SORCS2: variants seen among roughly 807,000 people sequenced by gnomAD.
SORCS2 encodes VPS10 domain-containing receptor SorCS2.
A neutral mutation model predicts 141.6 loss-of-function variants in SORCS2; 100 were observed. The observed-to-expected ratio is 0.71, with a 90% CI of 0.60 to 0.83. The LOEUF (loss-of-function observed/expected upper bound fraction) is 0.83. SORCS2 is among the 40% of genes least tolerant of loss of function. SORCS2 has a pLI of 0.00. For synonymous variants in SORCS2, 789 were observed against 676.9 expected, an observed-to-expected ratio of 1.17 and a Z score of -2.57; for missense variants, 1,646 against 1,560.2, an observed-to-expected ratio of 1.05 and a Z score of -0.93.
chr4:7,629,761 C>G (rs2108845233), intron 3 of SORCS2, among the ~76,000 whole-genome samples: 1 of 152,112 alleles, frequency 6.6e-6, no homozygotes, highest in Admixed American at 6.5e-5. Flanking sequence ...ATATCAAACC[C>G]CACCCTCCCT....
chr4:7,198,019 G>C (rs1387365073), intron 1 of SORCS2, among the ~76,000 whole-genome samples: 1 of 152,190 alleles, frequency 6.6e-6, no homozygotes, highest in Non-Finnish European at 1.5e-5. Flanking sequence ...CTCAGAGAAT[G>C]ATATCAAGAA....
At position 7,663,906 on chromosome 4, in the gene SORCS2, G is replaced by A. The variant is rs1722337474; in HGVS notation, c.953-447G>A. On this transcript the variant is annotated intron_variant, in intron 6 of 26. Coordinates refer to ENST00000507866, the MANE Select transcript of SORCS2 (RefSeq NM_020777.3). This position sits in a 1 kb window ranked among gnomAD's most constrained non-coding sequence, Gnocchi z 4.8. ...AATTAGCAGCTCCCTGACAAAGCAT[G>A]CATTCAGTATTGCTCAACCATAAAT... Among the ~76,000 whole-genome samples the A allele has an allele frequency of 1.3e-5, 2 of 152,210 alleles. No individual in the cohort carries two copies. Among genetic ancestry groups the A allele is most frequent in the South Asian group, 4.1e-4 (2 of 4,828 alleles).
At chr4:7,218,236 G>A (rs888962468) in intron 1 of SORCS2, among the ~76,000 whole-genome samples, 12 of 152,284 alleles carry the variant, frequency 7.9e-5, no homozygotes, top group South Asian at 2.1e-4. Context: ...GCACTTGGCC[G>A]GCTCACCTCC....
In SORCS2 at chr4:7,718,065, G is replaced by T. The variant is rs752813114; in HGVS notation, c.2306G>T (p.Ser769Ile). Residue 769 changes from serine to isoleucine, a missense_variant, in exon 18 of 27, where the codon AGT becomes ATT. Transcript: ENST00000507866. ...GAGGGTGGGGTGGACATGCAGCAGA[G>T]TCAGGTGCAGCTGCAGTGCCCCCTC... ...VCEGGVDMQQ[S>I]QVQLQCPLTP... 1 of 1,611,044 alleles carries T rather than the reference G, an allele frequency of 6.2e-7. No individual in the cohort carries two copies. Among genetic ancestry groups the T allele is most frequent in the Non-Finnish European group, 8.5e-7 (1 of 1,178,762 alleles).
intron 2 of SORCS2, among the ~76,000 whole-genome samples, chr4:7,419,680 A>G (rs558462064): frequency 4.9e-5 from 7 of 144,198 alleles, no homozygotes; most frequent in African/African-American, 1.3e-4. Context: ...AGCTGGTGTC[A>G]TCTGAACTGC....
At chr4:7,603,105 G>A (rs998050319) in intron 3 of SORCS2, among the ~76,000 whole-genome samples, 13 of 151,948 alleles carry the variant, frequency 8.6e-5, no homozygotes, top group African/African-American at 1.5e-4. Context: ...CAGAGATGGC[G>A]GCACTACAGT....
Position 7,740,747 on chromosome 4 carries a change from C to A in SORCS2, c.*483C>A. 1 of 319,154 alleles carries A rather than the reference C, an allele frequency of 3.1e-6. No individual in the cohort carries two copies. Among genetic ancestry groups the A allele is most frequent in the Non-Finnish European group, 5.7e-6 (1 of 175,084 alleles). The allele number at this position is 319,154 out of a possible 1,614,324, so 19.8% of individuals were successfully genotyped here. The stretch of plus-strand genomic sequence containing the variant: ...GCCACCCAGTCCCTCTGTGGGAGCC[C>A]GGGTGCCAGGCCCTCCCAACACCAC... On this transcript the variant is annotated 3_prime_UTR_variant, in exon 27 of 27. Transcript: ENST00000507866.
chr4:7,392,187 G>A (rs1353195182), intron 1 of SORCS2, among the ~76,000 whole-genome samples: 1 of 152,216 alleles, frequency 6.6e-6, no homozygotes, highest in African/African-American at 2.4e-5. Context: ...GCTCTCACTG[G>A]GCTAAGGAAG....
chr4:7,505,792 A>T (rs761404565), intron 2 of SORCS2, among the ~76,000 whole-genome samples: 7 of 151,976 alleles, frequency 4.6e-5, no homozygotes, highest in Non-Finnish European at 8.8e-5. Context: ...AGAGTGATGA[A>T]CTCCATGAGC....
intron 8 of SORCS2, among the ~76,000 whole-genome samples, chr4:7,674,690 A>G (rs2108947741): frequency 6.6e-6 from 1 of 151,210 alleles, no homozygotes; most frequent in African/African-American, 2.4e-5. Context: ...GCCGGGCCTC[A>G]GCGTTCAGGA....
At chr4:7,295,498 T>C (rs1249128629) in intron 1 of SORCS2, among the ~76,000 whole-genome samples, 1 of 152,054 alleles carries the variant, frequency 6.6e-6, no homozygotes, top group Non-Finnish European at 1.5e-5. Context: ...AGCCTGGCCG[T>C]TGGCTCGAGC....
At chr4:7,343,458 G>A (rs1340710996) in intron 1 of SORCS2, among the ~76,000 whole-genome samples, 1 of 152,236 alleles carries the variant, frequency 6.6e-6, no homozygotes, top group Non-Finnish European at 1.5e-5. Flanking sequence ...GCTTGGTGCA[G>A]GTGACGTGCA....
intron 2 of SORCS2, among the ~76,000 whole-genome samples, chr4:7,460,479 G>C (rs557189273): frequency 1.8e-3 from 269 of 152,278 alleles, no homozygotes; most frequent in African/African-American, 6.1e-3. Context: ...GAATTCCAAC[G>C]TACCCCCACA....
chr4:7,527,185 A>T (rs1057367236), intron 2 of SORCS2, among the ~76,000 whole-genome samples: 1 of 152,128 alleles, frequency 6.6e-6, no homozygotes, highest in African/African-American at 2.4e-5. Context: ...GCTCCTACAC[A>T]TACCTCGGAC....
At chr4:7,736,237 G>C (rs777120086) in intron 25 of SORCS2, among the ~76,000 whole-genome samples, 3 of 152,330 alleles carry the variant, frequency 2.0e-5, no homozygotes, top group Admixed American at 6.5e-5. Context: ...CTTGGCCCTC[G>C]TCTCTCAAGG....
chr4:7,239,110 G>T, intron 1 of SORCS2, among the ~76,000 whole-genome samples: 1 of 152,090 alleles, frequency 6.6e-6, no homozygotes, highest in Non-Finnish European at 1.5e-5. Context: ...CTCCCCAGAG[G>T]CTCCTTCAAA....
At chr4:7,454,390 G>GTGTGTTGGGGTCAGGCGC (rs1728719909) in intron 2 of SORCS2, among the ~76,000 whole-genome samples, 1 of 138,052 alleles carries the variant, frequency 7.2e-6, no homozygotes. Context: ...GTCAGGTGCT[G>GTGTGTTGGGGTCAGGCGC]TGTGTTGGGG....
intron 18 of SORCS2, among the ~76,000 whole-genome samples, chr4:7,719,713 G>A (rs967109208): frequency 6.6e-6 from 1 of 152,168 alleles, no homozygotes; most frequent in South Asian, 2.1e-4. Context: ...GCGGCTGCCC[G>A]TCCGGGGCCG....
intron 3 of SORCS2, among the ~76,000 whole-genome samples, chr4:7,588,437 G>GGT (rs1375770632): frequency 2.0e-5 from 3 of 152,192 alleles, no homozygotes; most frequent in Non-Finnish European, 4.4e-5. Flanking sequence ...TTTCTGCCAA[G>GGT]GCCACGTTGG....
Sources: allele counts gnomAD v4.1 joint callset (sites outside exome capture counted in the v4.1 genomes callset), GRCh38; gene constraint gnomAD v4.1.1; non-coding constraint Gnocchi (gnomAD v3.1); transcripts MANE v1.5; gene names NCBI Gene and HGNC (gene_info 2026-07-23, HGNC 2026-07-21).